Variants in DTNA observed in about 807,000 individuals in gnomAD.
The protein encoded by DTNA is dystrophin-related protein 3.
A neutral mutation model predicts 100.7 loss-of-function variants in DTNA; 43 were observed. That is an observed-to-expected ratio of 0.43 (90% CI 0.33 to 0.55). DTNA has a LOEUF of 0.55. Among genes scored for constraint, DTNA ranks in the 20% least tolerant of loss-of-function variants. The probability of loss-of-function intolerance (pLI) is 0.04; values close to 1 mark genes in which losing one functional copy is unlikely to be tolerated. For synonymous variants in DTNA, 349 were observed against 347.9 expected, an observed-to-expected ratio of 1.00 and a Z score of -0.04; for missense variants, 798 against 953.9, an observed-to-expected ratio of 0.84 and a Z score of 2.15.
chr18:34,524,663 G>A (rs1183747861), intron 1 of DTNA, among the ~76,000 whole-genome samples: 1 of 152,120 alleles, frequency 6.6e-6, no homozygotes, highest in Non-Finnish European at 1.5e-5. Flanking sequence ...TGGTGCTGGT[G>A]CTCTGGTATG....
At chr18:34,730,480 C>T (rs2087839066) in intron 1 of DTNA, among the ~76,000 whole-genome samples, 1 of 152,068 alleles carries the variant, frequency 6.6e-6, no homozygotes, top group Non-Finnish European at 1.5e-5. Flanking sequence ...TGCATTGTGG[C>T]CCCTTGTTCA....
At position 34,887,952 on chromosome 18, in the gene DTNA, T is replaced by C; in HGVS notation, c.*218T>C. 1.0e-6 allele frequency: 1 copy of C among 986,076 alleles called. No homozygotes were observed. The highest frequency in any genetic ancestry group is 1.2e-6 in the Non-Finnish European group (1 of 829,948). 61.1% of individuals were successfully genotyped at this position (986,076 alleles called of 1,614,324 possible). On this transcript the variant is annotated 3_prime_UTR_variant, in exon 23 of 23. Coordinates refer to ENST00000444659, the MANE Select transcript of DTNA (RefSeq NM_001386795.1). ...TGTGTCCTGATGACTATAGTGCAGC[T>C]AACTTTTTGTTCTCAGATTTGTAGT...
chr18:34,810,899 A>G (rs1007286752), intron 5 of DTNA, among the ~76,000 whole-genome samples: 6 of 152,196 alleles, frequency 3.9e-5, no homozygotes, highest in Non-Finnish European at 7.3e-5. Context: ...CCCTTTATAA[A>G]TGGAGTATTT....
At chr18:34,705,302 A>T (rs972710291), upstream of DTNA, among the ~76,000 whole-genome samples, 1 of 152,204 alleles carries the variant, frequency 6.6e-6, no homozygotes, top group African/African-American at 2.4e-5. Context: ...CTGATAAAAA[A>T]AAAATAAAAA....
intron 15 of DTNA, among the ~76,000 whole-genome samples, chr18:34,853,692 CAT>C (rs2096515030): frequency 6.6e-6 from 1 of 151,924 alleles, no homozygotes; most frequent in Admixed American, 6.6e-5. Flanking sequence ...AAGTTTGTCA[CAT>C]GTGATCCCTG....
chr18:34,732,093 T>A (rs955621749), intron 1 of DTNA, among the ~76,000 whole-genome samples: 2 of 152,218 alleles, frequency 1.3e-5, no homozygotes, highest in South Asian at 4.1e-4. Flanking sequence ...AAAGAGAATA[T>A]TTATTTGCCT....
At chr18:34,876,541 A>C (rs2096820726) in intron 18 of DTNA, among the ~76,000 whole-genome samples, 1 of 152,264 alleles carries the variant, frequency 6.6e-6, no homozygotes, top group Non-Finnish European at 1.5e-5. Flanking sequence ...AAAGATGTTC[A>C]ACCTCTAATT....
intron 10 of DTNA, chr18:34,828,967 G>A: frequency 6.5e-7 from 1 of 1,532,966 alleles, no homozygotes. Context: ...CTTTTATTAG[G>A]AAGCTCTGCA....
At chr18:34,514,499 A>G (rs1311948698) in intron 1 of DTNA, among the ~76,000 whole-genome samples, 1 of 152,172 alleles carries the variant, frequency 6.6e-6, no homozygotes, top group Non-Finnish European at 1.5e-5. Flanking sequence ...TTTATTAAAA[A>G]GTGAATCATT....
intron 3 of DTNA, among the ~76,000 whole-genome samples, chr18:34,769,101 A>G: frequency 6.6e-6 from 1 of 152,222 alleles, no homozygotes; most frequent in Non-Finnish European, 1.5e-5. Flanking sequence ...CCCAAGGAAA[A>G]AAAACAAGCA....
In DTNA at chr18:34,531,231, G is replaced by T. The variant is rs552624711; in HGVS notation, c.-2+37717G>T. 9.6e-4 allele frequency among the ~76,000 whole-genome samples: 146 copies of T among 152,126 alleles called. 4 individuals carry two copies. Among genetic ancestry groups the T allele is most frequent in the Non-Finnish European group, 8.2e-4 (56 of 67,986 alleles). ...TATAATTCATGACGCTTTGTTGGAG[G>T]CATCATGACCTAACACTGTTGAGAT... On this transcript the variant is annotated intron_variant, in intron 1 of 19. Transcript: ENST00000283365.
chr18:34,877,426 C>A (rs544538482), intron 18 of DTNA, among the ~76,000 whole-genome samples: 1 of 152,198 alleles, frequency 6.6e-6, no homozygotes, highest in African/African-American at 2.4e-5. Flanking sequence ...GCCAGGTCAG[C>A]CAGCCTTATT....
At position 34,800,074 on chromosome 18, in the gene DTNA, A is replaced by G. The variant is rs144914152; in HGVS notation, c.362+5824A>G. Among the ~76,000 whole-genome samples, 233 of 152,350 alleles carry G rather than the reference A, an allele frequency of 1.5e-3. 1 individual carries two copies. The highest frequency in any genetic ancestry group is 5.1e-3 in the African/African-American group (210 of 41,574). On this transcript the variant is annotated intron_variant, in intron 4 of 22. Transcript: ENST00000444659. Reference sequence around the variant, plus strand: ...AACACTTCTAAATTCAAAGCATCACATAACTGCACAATCTAAAAGAAACAG... The same window carrying G: ...AACACTTCTAAATTCAAAGCATCACGTAACTGCACAATCTAAAAGAAACAG...
intron 3 of DTNA, among the ~76,000 whole-genome samples, chr18:34,771,748 T>A (rs1232776632): frequency 6.6e-6 from 1 of 152,312 alleles, no homozygotes; most frequent in Non-Finnish European, 1.5e-5. Context: ...TTTTAAATAA[T>A]CCTTTCTAAT....
At chr18:34,736,596 C>T (rs1323165420) in intron 1 of DTNA, among the ~76,000 whole-genome samples, 3 of 152,110 alleles carry the variant, frequency 2.0e-5, no homozygotes, top group African/African-American at 7.2e-5. Flanking sequence ...AGATAAAAAT[C>T]TCAGTATTCT....
chr18:34,651,845 CTTGAGCCCAGAAAT>C (rs1319200583), intron 1 of DTNA, among the ~76,000 whole-genome samples: 1 of 152,052 alleles, frequency 6.6e-6, no homozygotes, highest in African/African-American at 2.4e-5. Flanking sequence ...GGGAAGATTG[CTTGAGCCCAGAAAT>C]TTGAGACCAG....
chr18:34,696,703 G>A (rs2080609002), intron 1 of DTNA, among the ~76,000 whole-genome samples: 1 of 152,108 alleles, frequency 6.6e-6, no homozygotes, highest in Non-Finnish European at 1.5e-5. Flanking sequence ...ATTTGAAGAA[G>A]TACAGCTGTA....
intron 1 of DTNA, among the ~76,000 whole-genome samples, chr18:34,746,802 G>A (rs144027837): frequency 1.5e-3 from 230 of 152,212 alleles, no homozygotes; most frequent in African/African-American, 5.3e-3. Flanking sequence ...TCTGCTCCCA[G>A]CCTGGCTCTG....
intron 1 of DTNA, among the ~76,000 whole-genome samples, chr18:34,677,221 A>G (rs2077499687): frequency 1.3e-5 from 2 of 152,210 alleles, no homozygotes; most frequent in African/African-American, 4.8e-5. Context: ...CAAGGTGTAA[A>G]TTTTATTAGT....
Sources: gnomAD v4.1 joint callset for allele counts (sites outside exome capture counted in the v4.1 genomes callset) on GRCh38, gnomAD v4.1.1 for gene constraint, MANE v1.5 for transcripts, NCBI Gene and HGNC (gene_info 2026-07-23, HGNC 2026-07-21) for gene names.